JMJD1C: variants seen among roughly 807,000 people sequenced by gnomAD.
JMJD1C encodes jumonji domain containing 1C, also known as jumonji domain-containing protein 1C.
A neutral mutation model predicts 245.3 loss-of-function variants in JMJD1C; 31 were observed. The ratio of observed to expected loss-of-function variants is 0.13; its 90% CI spans 0.09 to 0.17. The LOEUF (loss-of-function observed/expected upper bound fraction) is 0.17, where lower values mean the gene tolerates loss of function less well. Ranked by LOEUF, JMJD1C falls within the 10% of genes least tolerant of loss-of-function variation. JMJD1C has a pLI of 1.00. For synonymous variants in JMJD1C, 1,057 were observed against 1,017.4 expected (o/e 1.04, Z -0.74); for missense variants, 2,691 against 3,000.2 (o/e 0.90, Z 2.41).
chr10:63,293,488 A>C (rs142224320), intron 2 of JMJD1C, among the ~76,000 whole-genome samples: 1 of 152,182 alleles, frequency 6.6e-6, no homozygotes, highest in South Asian at 2.1e-4. Context: ...TAAAATATAA[A>C]TATGTAATAT....
chr10:63,439,655 T>C (rs754142240), intron 1 of JMJD1C, among the ~76,000 whole-genome samples: 23 of 152,196 alleles, frequency 1.5e-4, no homozygotes, highest in Non-Finnish European at 2.9e-4. Context: ...TTATTCATAG[T>C]TATCCTTAAC....
intron 2 of JMJD1C, among the ~76,000 whole-genome samples, chr10:63,301,106 C>T (rs535967439): frequency 4.6e-5 from 7 of 152,340 alleles, no homozygotes; most frequent in African/African-American, 1.7e-4. Flanking sequence ...ACCTCTGCCT[C>T]CTGGGCTCAA....
chr10:63,258,869 C>A (rs1182663539), intron 3 of JMJD1C, among the ~76,000 whole-genome samples: 1 of 152,014 alleles, frequency 6.6e-6, no homozygotes, highest in Non-Finnish European at 1.5e-5. Context: ...AGCAGGGAGC[C>A]GTGAAATTGG....
rs75593336 is a variant in JMJD1C, at chr10:63,463,683, C to T, written c.168+1812G>A. On this transcript the variant is annotated intron_variant, in intron 1 of 25. Transcript: ENST00000399262. ...ATTAAAAAAACTCATCAAGGGTTCA[C>T]ATAGGTATGGTTCAACATACATTTT... is the stretch of plus-strand genomic sequence containing the variant. 4.7e-3 allele frequency among the ~76,000 whole-genome samples: 722 copies of T among 152,220 alleles called. 6 individuals are homozygous for T. The highest frequency in any genetic ancestry group is 0.017 in the African/African-American group (709 of 41,542).
At chr10:63,445,357 A>T (rs1375868272) in intron 1 of JMJD1C, among the ~76,000 whole-genome samples, 2 of 152,218 alleles carry the variant, frequency 1.3e-5, no homozygotes, top group African/African-American at 4.8e-5. Flanking sequence ...GACCAAAATG[A>T]GCAAGCATGT....
At chr10:63,403,163 C>A (rs1483307405) in intron 1 of JMJD1C, among the ~76,000 whole-genome samples, 2 of 152,156 alleles carry the variant, frequency 1.3e-5, no homozygotes, top group East Asian at 3.9e-4. Flanking sequence ...TTAAGTGTCA[C>A]CAGGAAAGCC....
chr10:63,286,871 T>C (rs1488270301), intron 2 of JMJD1C, among the ~76,000 whole-genome samples: 1 of 152,224 alleles, frequency 6.6e-6, no homozygotes, highest in Non-Finnish European at 1.5e-5. Context: ...AAAAGTAGTT[T>C]CTTCTTGATG....
chr10:63,275,826 T>C (rs932513113), intron 2 of JMJD1C, among the ~76,000 whole-genome samples: 7 of 152,220 alleles, frequency 4.6e-5, no homozygotes, highest in African/African-American at 1.4e-4. Flanking sequence ...AGCCCTTTTT[T>C]TCCTCACAAC....
intron 1 of JMJD1C, among the ~76,000 whole-genome samples, chr10:63,500,706 A>C (rs1954519071): frequency 6.7e-6 from 1 of 150,072 alleles, no homozygotes. Flanking sequence ...AGCCTGGGCA[A>C]CAGAGCAAGA....
intron 1 of JMJD1C, among the ~76,000 whole-genome samples, chr10:63,517,169 T>C (rs1481104604): frequency 2.6e-5 from 4 of 152,216 alleles, no homozygotes; most frequent in Non-Finnish European, 2.9e-5. Flanking sequence ...ATTAGCATTC[T>C]CATTAATAAT....
chr10:63,182,109 G>T (rs895617062), intron 22 of JMJD1C, among the ~76,000 whole-genome samples: 1 of 152,146 alleles, frequency 6.6e-6, no homozygotes, highest in Non-Finnish European at 1.5e-5. Flanking sequence ...CATGTCCCCA[G>T]CACCTAGCCA....
rs191277554 is a variant in JMJD1C at position 63,404,979 on chromosome 10, G to A, written c.169-24497C>T. 3.3e-3 allele frequency among the ~76,000 whole-genome samples: 504 copies of A among 152,200 alleles called. 1 individual carries two copies. Among genetic ancestry groups the A allele is most frequent in the Non-Finnish European group, 3.8e-3 (260 of 68,010 alleles). On this transcript the variant is annotated intron_variant, in intron 1 of 25. Coordinates refer to ENST00000399262, the MANE Select transcript of JMJD1C (RefSeq NM_032776.3). ...GCTATTTACCAGCTGCAATGTTTAA[G>A]GATCAACATGATACAATTAGTTCTT...
At chr10:63,262,180 C>CAGTAACA (rs1854854130) in intron 3 of JMJD1C, among the ~76,000 whole-genome samples, 4 of 152,132 alleles carry the variant, frequency 2.6e-5, no homozygotes, top group South Asian at 4.1e-4. Context: ...AAATTTATGC[C>CAGTAACA]AGTAACAGCT....
intron 3 of JMJD1C, among the ~76,000 whole-genome samples, chr10:63,252,149 G>C (rs995729177): frequency 3.3e-5 from 5 of 152,180 alleles, no homozygotes; most frequent in Admixed American, 2.6e-4. Flanking sequence ...CTTGCCAAAG[G>C]CATTTTATTT....
At chr10:63,256,431 T>G (rs1853942129) in intron 3 of JMJD1C, among the ~76,000 whole-genome samples, 1 of 152,076 alleles carries the variant, frequency 6.6e-6, no homozygotes, top group Non-Finnish European at 1.5e-5. Context: ...CAGAGCAAAA[T>G]TACTGAATAT....
At chr10:63,406,285 A>C (rs1425369837) in intron 1 of JMJD1C, among the ~76,000 whole-genome samples, 1 of 152,214 alleles carries the variant, frequency 6.6e-6, no homozygotes, top group Admixed American at 6.5e-5. Context: ...GTGGAGCTTA[A>C]CTAATCACAG....
At position 63,211,961 on chromosome 10, in the gene JMJD1C, G is replaced by A. The variant is rs116275481; in HGVS notation, c.2694+1512C>T. Among the ~76,000 whole-genome samples, 658 of 151,802 alleles carry A rather than the reference G, an allele frequency of 4.3e-3. 3 individuals carry two copies. Among genetic ancestry groups the A allele is most frequent in the African/African-American group, 0.015 (616 of 41,378 alleles). On this transcript the variant is annotated intron_variant, in intron 8 of 25. Coordinates refer to ENST00000399262, the MANE Select transcript of JMJD1C (RefSeq NM_032776.3). ...CAGATGAATGGAGAAAGAAAATAGG[G>A]CACATACATACAGTGGAATATTATA... is the stretch of plus-strand genomic sequence containing the variant.
chr10:63,448,807 G>T (rs1257208928), intron 1 of JMJD1C, among the ~76,000 whole-genome samples: 1 of 152,114 alleles, frequency 6.6e-6, no homozygotes, highest in Non-Finnish European at 1.5e-5. Context: ...ACAGCATTTT[G>T]AAAAAGTAGT....
chr10:63,265,100 T>C (rs1589330577), intron 2 of JMJD1C, among the ~76,000 whole-genome samples: 1 of 151,968 alleles, frequency 6.6e-6, no homozygotes, highest in Non-Finnish European at 1.5e-5. Context: ...GTAAACTGGG[T>C]TGTAGAGCTA....
Sources: gnomAD v4.1 joint callset for allele counts (sites outside exome capture counted in the v4.1 genomes callset) on GRCh38, gnomAD v4.1.1 for gene constraint, MANE v1.5 for transcripts, NCBI Gene and HGNC (gene_info 2026-07-23, HGNC 2026-07-21) for gene names.